Variants in SCHIP1 observed in about 807,000 individuals in gnomAD.
The protein encoded by SCHIP1 is schwannomin interacting protein 1, also known as schwannomin-interacting protein 1.
A neutral mutation model predicts 29.7 loss-of-function variants in SCHIP1; 8 were observed. The ratio of observed to expected loss-of-function variants is 0.27; its 90% CI spans 0.16 to 0.49. The LOEUF (loss-of-function observed/expected upper bound fraction) is 0.49, where lower values mean the gene tolerates loss of function less well. SCHIP1 is among the 20% of genes least tolerant of loss of function. The pLI, the probability that SCHIP1 is intolerant of heterozygous loss-of-function variation, is 0.99. For synonymous variants in SCHIP1, 76 were observed against 94.9 expected (o/e 0.80, Z 1.16); for missense variants, 193 against 294.6 (o/e 0.66, Z 2.52).
chr3:159,381,167 C>T, the SCHIP1 span, among the ~76,000 whole-genome samples: 2 of 151,884 alleles, frequency 1.3e-5, no homozygotes, highest in Non-Finnish European at 2.9e-5. Flanking sequence ...AAAAAAATAC[C>T]CGCTCAAACA....
At chr3:159,865,384 A>G (rs1714507965) in intron 1 of SCHIP1, among the ~76,000 whole-genome samples, 1 of 152,222 alleles carries the variant, frequency 6.6e-6, no homozygotes, top group Non-Finnish European at 1.5e-5. Flanking sequence ...TGGGGCGTTT[A>G]ATGAGAAGCC....
intron 1 of SCHIP1, among the ~76,000 whole-genome samples, chr3:159,852,207 T>C (rs901397432): frequency 1.3e-5 from 2 of 152,244 alleles, no homozygotes; most frequent in African/African-American, 4.8e-5. Context: ...AACTCTGTTC[T>C]TAACAGTATT....
the SCHIP1 span, among the ~76,000 whole-genome samples, chr3:159,827,316 G>A: frequency 6.6e-6 from 1 of 152,066 alleles, no homozygotes; most frequent in Non-Finnish European, 1.5e-5. Context: ...AATAGCAATA[G>A]CATTTCAGCA....
At chr3:159,361,192 A>G in the SCHIP1 span, among the ~76,000 whole-genome samples, 2 of 152,338 alleles carry the variant, frequency 1.3e-5, no homozygotes, top group African/African-American at 4.8e-5. Context: ...TTGATATGCA[A>G]AAAGATAAAG....
chr3:159,712,436 A>T, the SCHIP1 span, among the ~76,000 whole-genome samples: 1 of 152,160 alleles, frequency 6.6e-6, no homozygotes, highest in Non-Finnish European at 1.5e-5. Flanking sequence ...TGCATCTGTG[A>T]TCCAGTCTGG....
the SCHIP1 span, among the ~76,000 whole-genome samples, chr3:159,531,001 G>A: frequency 2.0e-5 from 3 of 152,268 alleles, no homozygotes; most frequent in African/African-American, 7.2e-5. Flanking sequence ...ACAGTTCACT[G>A]CCATCATCCA....
the SCHIP1 span, among the ~76,000 whole-genome samples, chr3:159,463,579 G>A: frequency 2.6e-5 from 4 of 151,948 alleles, no homozygotes; most frequent in Non-Finnish European, 5.9e-5. Flanking sequence ...CACCTCTTAG[G>A]CATTATGTTA....
At chr3:159,305,241 A>AT in the SCHIP1 span, among the ~76,000 whole-genome samples, 1 of 152,070 alleles carries the variant, frequency 6.6e-6, no homozygotes, top group Admixed American at 6.5e-5. Context: ...GTGGCCTCCC[A>AT]TCCAAGCTGT....
chr3:159,365,973 G>A, the SCHIP1 span, among the ~76,000 whole-genome samples: 8 of 152,108 alleles, frequency 5.3e-5, no homozygotes, highest in South Asian at 2.1e-4. Context: ...GTATTAGACC[G>A]CTCTTGTATT....
the SCHIP1 span, among the ~76,000 whole-genome samples, chr3:159,686,465 C>T: frequency 6.6e-6 from 1 of 152,072 alleles, no homozygotes; most frequent in Non-Finnish European, 1.5e-5. Context: ...GCCAAGCACA[C>T]AAAGAAACAA....
the SCHIP1 span, among the ~76,000 whole-genome samples, chr3:159,447,820 C>T: frequency 2.0e-5 from 3 of 152,278 alleles, no homozygotes; most frequent in South Asian, 4.1e-4. Flanking sequence ...CCTTCTTCTC[C>T]TAACTCCCAA....
the SCHIP1 span, among the ~76,000 whole-genome samples, chr3:159,392,751 T>G: frequency 6.6e-6 from 1 of 152,082 alleles, no homozygotes; most frequent in African/African-American, 2.4e-5. Context: ...TTTGCTATTG[T>G]GAATAGAGCC....
At chr3:159,771,621 G>T in the SCHIP1 span, among the ~76,000 whole-genome samples, 1 of 151,432 alleles carries the variant, frequency 6.6e-6, no homozygotes, top group African/African-American at 2.4e-5. Flanking sequence ...CTTAAGAGCT[G>T]CAAAGGCTGC....
the SCHIP1 span, among the ~76,000 whole-genome samples, chr3:159,688,028 C>A: frequency 6.6e-6 from 1 of 152,172 alleles, no homozygotes. Flanking sequence ...GGTTCCAAGT[C>A]TTTGCTATCG....
At chr3:159,637,932 AT>A in the SCHIP1 span, among the ~76,000 whole-genome samples, 1 of 152,208 alleles carries the variant, frequency 6.6e-6, no homozygotes, top group African/African-American at 2.4e-5. Flanking sequence ...ATATTTGAAT[AT>A]TTTTAGAAGA....
chr3:159,531,163 C>T, the SCHIP1 span, among the ~76,000 whole-genome samples: 1 of 152,192 alleles, frequency 6.6e-6, no homozygotes, highest in Admixed American at 6.5e-5. Context: ...TTTTAACTGA[C>T]ACTCATGAGA....
chr3:159,807,422 C>A, the SCHIP1 span, among the ~76,000 whole-genome samples: 2 of 152,170 alleles, frequency 1.3e-5, no homozygotes, highest in Non-Finnish European at 2.9e-5. Context: ...AGGCACCTAC[C>A]TTTCTTAATG....
At chr3:159,282,639 C>T in the SCHIP1 span, 2 of 147,152 alleles carry the variant, frequency 1.4e-5, no homozygotes, top group African/African-American at 5.0e-5. Flanking sequence ...AAGTAGTTAA[C>T]CCTTTACCTG....
chr3:159,542,510 C>G, the SCHIP1 span, among the ~76,000 whole-genome samples: 1 of 152,032 alleles, frequency 6.6e-6, no homozygotes, highest in Admixed American at 6.6e-5. Context: ...AGCATAATCA[C>G]TCAGAGATTC....
Sources: gnomAD v4.1 joint callset for allele counts (sites outside exome capture counted in the v4.1 genomes callset) on GRCh38, gnomAD v4.1.1 for gene constraint, MANE v1.5 for transcripts, NCBI Gene and HGNC (gene_info 2026-07-23, HGNC 2026-07-21) for gene names.